Variants in NRXN1 observed in about 807,000 individuals in gnomAD.
NRXN1 encodes neurexin 1, also known as neurexin-1.
NRXN1 carries 39 observed loss-of-function variants against 150.9 expected under a neutral mutation model. That is an observed-to-expected ratio of 0.26 (90% CI 0.20 to 0.34). The LOEUF is 0.34. NRXN1 is among the 10% of genes least tolerant of loss of function. The pLI is 1.00. For synonymous variants in NRXN1, 924 were observed against 757.0 expected, an observed-to-expected ratio of 1.22 and a Z score of -3.62; for missense variants, 1,815 against 1,949.9, an observed-to-expected ratio of 0.93 and a Z score of 1.30.
intron 15 of NRXN1, among the ~76,000 whole-genome samples, chr2:50,495,047 A>AAAG (rs1553696463): frequency 5.3e-5 from 8 of 151,748 alleles, no homozygotes; most frequent in African/African-American, 1.7e-4. Context: ...AAAAAAAAAA[A>AAAG]AGAGAGTTAA....
intron 2 of NRXN1, among the ~76,000 whole-genome samples, chr2:51,023,790 G>A (rs950731874): frequency 1.3e-5 from 2 of 152,178 alleles, no homozygotes; most frequent in African/African-American, 4.8e-5. Flanking sequence ...ATGAACAAAT[G>A]AATGAATGAG....
intron 17 of NRXN1, among the ~76,000 whole-genome samples, chr2:50,296,161 T>C (rs77077770): frequency 0.014 from 2,175 of 152,316 alleles, 47 homozygotes; most frequent in African/African-American, 0.05. Flanking sequence ...TGATAAGTAA[T>C]CATTTTAGAT....
At chr2:50,627,321 T>A (rs1388107083) in intron 5 of NRXN1, among the ~76,000 whole-genome samples, 1 of 150,974 alleles carries the variant, frequency 6.6e-6, no homozygotes, top group Non-Finnish European at 1.5e-5. Flanking sequence ...TTCTGCTCAT[T>A]TGATGATAGG....
At chr2:50,590,697 C>T (rs1479099356) in intron 8 of NRXN1, among the ~76,000 whole-genome samples, 1 of 152,138 alleles carries the variant, frequency 6.6e-6, no homozygotes. Context: ...TCCCTTACTT[C>T]TGCTATGTGA....
chr2:50,221,065 A>G (rs1048697140), intron 18 of NRXN1, among the ~76,000 whole-genome samples: 2 of 152,010 alleles, frequency 1.3e-5, no homozygotes, highest in Non-Finnish European at 2.9e-5. Flanking sequence ...TGTATTGGAT[A>G]CACCTATTTG....
At chr2:51,005,768 G>A (rs1700634751) in intron 2 of NRXN1, among the ~76,000 whole-genome samples, 1 of 151,808 alleles carries the variant, frequency 6.6e-6, no homozygotes, top group Admixed American at 6.6e-5. Flanking sequence ...AAAATTACAG[G>A]AATAAATCTC....
intron 2 of NRXN1, among the ~76,000 whole-genome samples, chr2:50,959,031 A>G (rs1692723588): frequency 6.6e-6 from 1 of 152,022 alleles, no homozygotes; most frequent in South Asian, 2.1e-4. Flanking sequence ...CATTCATGAG[A>G]TATGATCTAT....
chr2:50,165,771 T>C (rs543421118), intron 18 of NRXN1, among the ~76,000 whole-genome samples: 285 of 152,300 alleles, frequency 1.9e-3, no homozygotes, highest in African/African-American at 6.4e-3. Context: ...CTTTTAGAAA[T>C]GATGTCAAAT....
At chr2:51,030,586 CACAT>C (rs1482499015) in intron 1 of NRXN1, among the ~76,000 whole-genome samples, 1 of 151,626 alleles carries the variant, frequency 6.6e-6, no homozygotes, top group Non-Finnish European at 1.5e-5. Flanking sequence ...TGGGTGTGCG[CACAT>C]ACACACTGCC....
At chr2:50,171,825 C>T (rs576336916) in intron 18 of NRXN1, among the ~76,000 whole-genome samples, 10 of 152,240 alleles carry the variant, frequency 6.6e-5, no homozygotes, top group Admixed American at 3.9e-4. Flanking sequence ...AACAAACAGG[C>T]GACCACTGGT....
chr2:50,302,338 A>G (rs1466807014), intron 17 of NRXN1, among the ~76,000 whole-genome samples: 4 of 152,198 alleles, frequency 2.6e-5, no homozygotes. Context: ...ATGCACCAAG[A>G]GCCATAGGGC....
chr2:50,238,982 G>A (rs2152882547), intron 17 of NRXN1, among the ~76,000 whole-genome samples: 1 of 152,096 alleles, frequency 6.6e-6, no homozygotes, highest in African/African-American at 2.4e-5. Flanking sequence ...GAAAAGGCAA[G>A]CCATATTTCA....
At chr2:50,777,670 T>C (rs1703831528) in intron 5 of NRXN1, among the ~76,000 whole-genome samples, 1 of 152,138 alleles carries the variant, frequency 6.6e-6, no homozygotes, top group South Asian at 2.1e-4. Flanking sequence ...TGATATTCCA[T>C]TGAGTAAAAT....
intron 22 of NRXN1, among the ~76,000 whole-genome samples, chr2:49,922,983 C>G (rs558473295): frequency 6.6e-6 from 1 of 152,220 alleles, no homozygotes; most frequent in East Asian, 1.9e-4. Flanking sequence ...TTGGTCAAAA[C>G]TCTGAACTAC....
intron 21 of NRXN1, among the ~76,000 whole-genome samples, chr2:49,982,500 C>T (rs1372436857): frequency 4.6e-5 from 7 of 151,788 alleles, no homozygotes; most frequent in Non-Finnish European, 1.0e-4. Flanking sequence ...AAAATCCCAC[C>T]ACCTTGACAA....
chr2:50,943,216 C>T (rs1558464035), intron 2 of NRXN1, among the ~76,000 whole-genome samples: 1 of 152,124 alleles, frequency 6.6e-6, no homozygotes, highest in African/African-American at 2.4e-5. Context: ...AATTAAACCT[C>T]TTTTCTTTAT....
At chr2:50,572,462 C>A (rs1670801812) in intron 8 of NRXN1, among the ~76,000 whole-genome samples, 1 of 152,128 alleles carries the variant, frequency 6.6e-6, no homozygotes, top group Non-Finnish European at 1.5e-5. Flanking sequence ...TTTAGCCCAT[C>A]TAATATATGA....
At chr2:50,081,712 T>G (rs187045609) in intron 19 of NRXN1, among the ~76,000 whole-genome samples, 1 of 152,300 alleles carries the variant, frequency 6.6e-6, no homozygotes, top group African/African-American at 2.4e-5. Flanking sequence ...AGTACAGTTT[T>G]AAAAATTGTT....
At chr2:50,050,973 T>G (rs1331711069) in intron 21 of NRXN1, among the ~76,000 whole-genome samples, 1 of 152,158 alleles carries the variant, frequency 6.6e-6, no homozygotes, top group Non-Finnish European at 1.5e-5. Context: ...ATTTTAAATA[T>G]CTATTTTTAA....
Sources: allele counts gnomAD v4.1 joint callset (sites outside exome capture counted in the v4.1 genomes callset), GRCh38; gene constraint gnomAD v4.1.1; transcripts MANE v1.5; gene names NCBI Gene and HGNC (gene_info 2026-07-23, HGNC 2026-07-21).